The following DPP10 variants were observed in gnomAD, a reference collection of about 807,000 sequenced individuals.
DPP10 encodes inactive dipeptidyl peptidase 10.
In DPP10, 33 loss-of-function variants were observed where a neutral mutation model predicts 120.9. The observed-to-expected ratio is 0.27, with a 90% CI of 0.21 to 0.37. The LOEUF (loss-of-function observed/expected upper bound fraction) is 0.37. Among genes scored for constraint, DPP10 ranks in the 10% least tolerant of loss-of-function variants. DPP10 has a pLI of 1.00. For missense variants in DPP10, 816 were observed against 942.8 expected (o/e 0.87, Z 1.76); for synonymous variants, 337 against 326.1 (o/e 1.03, Z -0.36).
chr2:115,660,887 T>G (rs1328042754), intron 5 of DPP10, among the ~76,000 whole-genome samples: 5 of 152,026 alleles, frequency 3.3e-5, no homozygotes, highest in Non-Finnish European at 7.4e-5. Context: ...CTTAAAAACT[T>G]AGTGTGTCAT....
chr2:115,079,718 A>G lies in DPP10; in HGVS notation c.61-229521A>G, dbSNP rs151317118. On this transcript the variant is annotated intron_variant, in intron 1 of 25. Transcript: ENST00000410059. Reference sequence around the variant, plus strand: ...CATGAGATGAGCTTGATGAAGTGAGAGAGAAGTGTCTAGAGGAAGGGTCAG... The same window carrying G: ...CATGAGATGAGCTTGATGAAGTGAGGGAGAAGTGTCTAGAGGAAGGGTCAG... Among the ~76,000 whole-genome samples, 551 of 152,330 alleles carry G rather than the reference A, an allele frequency of 3.6e-3. 5 individuals carry two copies. The highest frequency in any genetic ancestry group is 0.013 in the African/African-American group (528 of 41,578).
intron 7 of DPP10, among the ~76,000 whole-genome samples, chr2:115,718,436 G>T (rs1015759944): frequency 6.6e-6 from 1 of 152,168 alleles, no homozygotes; most frequent in East Asian, 1.9e-4. Context: ...CATGAAAAAA[G>T]TTATCTTTCA....
intron 1 of DPP10, among the ~76,000 whole-genome samples, chr2:115,064,203 A>G (rs1573478525): frequency 6.6e-6 from 1 of 151,840 alleles, no homozygotes; most frequent in Non-Finnish European, 1.5e-5. Context: ...AATATAACTC[A>G]TGTTTATTAT....
chr2:115,679,137 C>G (rs1405890522), intron 5 of DPP10, among the ~76,000 whole-genome samples: 2 of 151,892 alleles, frequency 1.3e-5, no homozygotes, highest in Non-Finnish European at 2.9e-5. Context: ...TGAGTTAAGA[C>G]TTTGGAGGAT....
chr2:114,915,098 C>T (rs2420453), intron 1 of DPP10, among the ~76,000 whole-genome samples: 148,515 of 151,968 alleles, frequency 0.98, 72,658 homozygotes, highest in East Asian at 1. Context: ...GCCACTGCAC[C>T]CCAGCCTGGG....
intron 1 of DPP10, among the ~76,000 whole-genome samples, chr2:115,216,256 G>A (rs935260381): frequency 1.3e-5 from 2 of 151,944 alleles, no homozygotes; most frequent in Non-Finnish European, 2.9e-5. Context: ...CCCACTACAC[G>A]ATGTAACCCG....
chr2:114,523,804 C>G (rs758638397), intron 1 of DPP10, among the ~76,000 whole-genome samples: 1 of 152,270 alleles, frequency 6.6e-6, no homozygotes, highest in East Asian at 1.9e-4. Flanking sequence ...ATCCCTCTCT[C>G]CCCTCCACCT....
intron 19 of DPP10, among the ~76,000 whole-genome samples, chr2:115,805,122 C>T (rs1685765708): frequency 6.6e-6 from 1 of 152,174 alleles, no homozygotes; most frequent in African/African-American, 2.4e-5. Flanking sequence ...ACTCAAGCCT[C>T]AGCAATGGCA....
intron 5 of DPP10, among the ~76,000 whole-genome samples, chr2:115,646,989 A>C (rs755919893): frequency 2.6e-5 from 4 of 152,170 alleles, no homozygotes; most frequent in Admixed American, 6.5e-5. Context: ...GAAGTAAGAT[A>C]GTCATTCTAT....
At chr2:115,144,656 G>A (rs2051120341) in intron 1 of DPP10, among the ~76,000 whole-genome samples, 1 of 122,836 alleles carries the variant, frequency 8.1e-6, no homozygotes, top group African/African-American at 3.1e-5. Context: ...CACATTCTGG[G>A]GACTGTTGTG....
At chr2:115,554,900 C>G (rs1384708944) in intron 5 of DPP10, among the ~76,000 whole-genome samples, 1 of 152,098 alleles carries the variant, frequency 6.6e-6, no homozygotes, top group Non-Finnish European at 1.5e-5. Context: ...CAAATCACTC[C>G]TGACACATTG....
At chr2:115,024,000 A>G (rs1488000276) in intron 1 of DPP10, among the ~76,000 whole-genome samples, 1 of 152,026 alleles carries the variant, frequency 6.6e-6, no homozygotes, top group Admixed American at 6.6e-5. Context: ...GATTTTGAGG[A>G]CTCAGGGGAA....
chr2:115,622,233 C>G (rs1230008782), intron 5 of DPP10, among the ~76,000 whole-genome samples: 1 of 152,044 alleles, frequency 6.6e-6, no homozygotes, highest in Non-Finnish European at 1.5e-5. Flanking sequence ...CTCTCTGTCT[C>G]TATATATTTG....
chr2:115,173,343 A>G (rs2053485992), intron 1 of DPP10, among the ~76,000 whole-genome samples: 1 of 152,218 alleles, frequency 6.6e-6, no homozygotes, highest in African/African-American at 2.4e-5. Context: ...AATTTTAGTT[A>G]AGGAAAACAC....
rs1367029368 is a variant in DPP10 at position 115,766,284 on chromosome 2, A to ATGTGTGTGTGTG, written c.1114-2012_1114-2011insGTGTGTGTGTGT. On this transcript the variant is annotated intron_variant, in intron 12 of 25. Coordinates refer to ENST00000410059, the MANE Select transcript of DPP10 (RefSeq NM_020868.6). The stretch of plus-strand genomic sequence containing the variant: ...CAATGAACAAAAATACTCATTATAT[A>ATGTGTGTGTGTG]TATGTGTGTGTGTGTGTGTGTGTGT... Among the ~76,000 whole-genome samples the ATGTGTGTGTGTG allele has an allele frequency of 2.4e-4, 12 of 50,200 alleles. No individual in the cohort carries two copies. The East Asian group carries it at 5.1e-3, about 21-fold the overall frequency. 32.9% of individuals were successfully genotyped at this position (50,200 alleles called of 152,430 possible). A position where few individuals can be genotyped will look rare whatever the true frequency, so the allele number is the denominator to read the frequency against.
intron 8 of DPP10, among the ~76,000 whole-genome samples, chr2:115,736,636 A>G (rs1293426324): frequency 6.6e-6 from 1 of 152,156 alleles, no homozygotes; most frequent in African/African-American, 2.4e-5. Context: ...AAAGGTTTTC[A>G]TATAATTCAT....
chr2:115,089,057 T>C (rs1411757386), intron 1 of DPP10, among the ~76,000 whole-genome samples: 3 of 152,018 alleles, frequency 2.0e-5, no homozygotes, highest in Non-Finnish European at 1.5e-5. Context: ...ATATCTTCTG[T>C]CCTAAATTTT....
At chr2:114,564,118 A>C (rs1688998284) in intron 1 of DPP10, among the ~76,000 whole-genome samples, 1 of 152,092 alleles carries the variant, frequency 6.6e-6, no homozygotes, top group African/African-American at 2.4e-5. Context: ...TCCTGTGCGG[A>C]GTAAAAGAGG....
intron 1 of DPP10, among the ~76,000 whole-genome samples, chr2:114,838,233 T>G (rs753233715): frequency 3.9e-5 from 6 of 152,230 alleles, no homozygotes; most frequent in Non-Finnish European, 7.3e-5. Context: ...GATGGATACC[T>G]GGTGAGAACT....
Sources: gnomAD v4.1 joint callset for allele counts (sites outside exome capture counted in the v4.1 genomes callset) on GRCh38, gnomAD v4.1.1 for gene constraint, MANE v1.5 for transcripts, NCBI Gene and HGNC (gene_info 2026-07-23, HGNC 2026-07-21) for gene names.